Variants in VAV2 observed in about 807,000 individuals in gnomAD.
VAV2 encodes vav guanine nucleotide exchange factor 2, also known as guanine nucleotide exchange factor VAV2.
Under a neutral mutation model 132.5 loss-of-function variants are expected in VAV2, and 67 were observed. That is an observed-to-expected ratio of 0.51 (90% confidence interval 0.42 to 0.62). The LOEUF is 0.62. Ranked by LOEUF, VAV2 falls within the 20% of genes least tolerant of loss-of-function variation. The pLI, the probability that VAV2 is intolerant of heterozygous loss-of-function variation, is 0.00. For missense variants in VAV2, 938 were observed against 1,153.6 expected (o/e 0.81, Z 2.71); for synonymous variants, 492 against 443.5 (o/e 1.11, Z -1.37).
At chr9:133,893,478 C>G (rs1839064801) in intron 2 of VAV2, among the ~76,000 whole-genome samples, 1 of 152,206 alleles carries the variant, frequency 6.6e-6, no homozygotes, top group South Asian at 2.1e-4. Context: ...AAGGGACCTG[C>G]CCCGCACGGC....
At chr9:133,942,783 C>T (rs1178943327) in intron 1 of VAV2, among the ~76,000 whole-genome samples, 1 of 152,330 alleles carries the variant, frequency 6.6e-6, no homozygotes, top group East Asian at 1.9e-4. Context: ...TCTGGCCACC[C>T]TAACCTTTAA....
chr9:133,847,095 C>T (rs1836963247), intron 3 of VAV2, among the ~76,000 whole-genome samples: 1 of 152,278 alleles, frequency 6.6e-6, no homozygotes, highest in South Asian at 2.1e-4. Flanking sequence ...GAGCCTCAGG[C>T]CTACAGCCTT....
At chr9:133,873,513 A>G (rs1006312051) in intron 2 of VAV2, among the ~76,000 whole-genome samples, 1 of 152,184 alleles carries the variant, frequency 6.6e-6, no homozygotes, top group East Asian at 1.9e-4. Flanking sequence ...CTGCCTGTGA[A>G]AGCAATCAGC....
chr9:133,946,932 A>G (rs967788073), intron 1 of VAV2, among the ~76,000 whole-genome samples: 11 of 152,154 alleles, frequency 7.2e-5, no homozygotes, highest in African/African-American at 2.4e-4. Context: ...CTGGGTCCCA[A>G]ATGCCCTGGA....
chr9:133,979,505 C>T (rs913050818), intron 1 of VAV2, among the ~76,000 whole-genome samples: 1 of 152,182 alleles, frequency 6.6e-6, no homozygotes, highest in East Asian at 1.9e-4. Flanking sequence ...GAGCGGACGC[C>T]GCAGCCGTCC....
chr9:133,982,934 G>T (rs1040760394), intron 1 of VAV2, among the ~76,000 whole-genome samples: 1 of 152,186 alleles, frequency 6.6e-6, no homozygotes, highest in Non-Finnish European at 1.5e-5. Flanking sequence ...GGAGAGTTGC[G>T]TAGTCGTGAC....
intron 2 of VAV2, among the ~76,000 whole-genome samples, chr9:133,904,616 C>T (rs1839571826): frequency 6.6e-6 from 1 of 152,258 alleles, no homozygotes; most frequent in Non-Finnish European, 1.5e-5. Flanking sequence ...ACACCCTCTC[C>T]CAGTGGAGTC....
chr9:133,866,783 G>C (rs1020454712), intron 2 of VAV2, among the ~76,000 whole-genome samples: 9 of 146,088 alleles, frequency 6.2e-5, no homozygotes, highest in Non-Finnish European at 8.9e-5. Flanking sequence ...TCCAACCTGG[G>C]CAACAGAGCA....
At chr9:133,901,499 C>G (rs2519786) in intron 2 of VAV2, among the ~76,000 whole-genome samples, 136,406 of 152,304 alleles carry the variant, frequency 0.9, 61,971 homozygotes, top group East Asian at 1. Context: ...CATGGCACCA[C>G]CTCGAGCCTG....
At chr9:133,897,644 T>C (rs1839266164) in intron 2 of VAV2, among the ~76,000 whole-genome samples, 1 of 152,052 alleles carries the variant, frequency 6.6e-6, no homozygotes, top group Non-Finnish European at 1.5e-5. Flanking sequence ...GGCCAAAAGG[T>C]GTGGCTCTAA....
chr9:133,777,454 C>T lies in VAV2; in HGVS notation c.1900G>A (p.Val634Ile). The T allele has an allele frequency of 1.2e-6, 2 of 1,613,618 alleles. No individual in the cohort carries two copies. Among genetic ancestry groups the T allele is most frequent in the Non-Finnish European group, 1.7e-6 (2 of 1,179,982 alleles). The change falls in exon 23 of 30, where the codon GTA (valine) becomes ATA (isoleucine). Residue 634 changes from valine (V) to isoleucine (I), a missense_variant. Physicochemically the swap from Val to Ile is conservative, Grantham distance 29. Coordinates refer to ENST00000371850, the MANE Select transcript of VAV2 (RefSeq NM_001134398.2). ...AAATACCCTGACTTCCTGGTTTGTACCAGACGACCCTGGCAGAGGAAAGAG... is the reference window on the plus strand; with the variant it reads ...AAATACCCTGACTTCCTGGTTTGTATCAGACGACCCTGGCAGAGGAAAGAG... ...PESPWWEGRL[V>I]QTRKSGYFPS... is the part of the protein sequence containing the mutation.
At chr9:133,773,885 G>A (rs1833722881) in intron 25 of VAV2, among the ~76,000 whole-genome samples, 1 of 152,100 alleles carries the variant, frequency 6.6e-6, no homozygotes. Context: ...CTATATGACT[G>A]GCAGCACTGT....
intron 16 of VAV2, among the ~76,000 whole-genome samples, chr9:133,786,449 C>T (rs555518825): frequency 9.0e-4 from 137 of 152,310 alleles, no homozygotes; most frequent in African/African-American, 2.8e-3. Flanking sequence ...CGCCCATGTG[C>T]GAGGATGCTC....
intron 2 of VAV2, among the ~76,000 whole-genome samples, chr9:133,897,477 C>T (rs961715256): frequency 6.6e-6 from 1 of 152,160 alleles, no homozygotes; most frequent in African/African-American, 2.4e-5. Context: ...ACCCAGATGG[C>T]TGGGCTGTGT....
chr9:133,937,032 T>G (rs1201971430), intron 2 of VAV2, among the ~76,000 whole-genome samples: 2 of 152,234 alleles, frequency 1.3e-5, no homozygotes, highest in African/African-American at 4.8e-5. Flanking sequence ...CTTACATCAC[T>G]GCATTCCGCC....
At chr9:133,765,445 T>C (rs773644780) in intron 29 of VAV2, among the ~76,000 whole-genome samples, 3 of 152,252 alleles carry the variant, frequency 2.0e-5, no homozygotes, top group Non-Finnish European at 2.9e-5. Flanking sequence ...GTGTTCCCAA[T>C]GGAACCTCAA....
At chr9:133,835,604 C>A (rs1588244366) in intron 3 of VAV2, among the ~76,000 whole-genome samples, 1 of 152,198 alleles carries the variant, frequency 6.6e-6, no homozygotes, top group African/African-American at 2.4e-5. Context: ...AAGGATGGGA[C>A]GGGAGATCCC....
chr9:133,921,548 AGCCTCTCCCTGT>A (rs1039736009), intron 2 of VAV2, among the ~76,000 whole-genome samples: 2 of 152,052 alleles, frequency 1.3e-5, no homozygotes, highest in African/African-American at 2.4e-5. Context: ...CTCTCCCTGC[AGCCTCTCCCTGT>A]GCCTCTCCCT....
At chr9:133,875,394 G>T (rs1838221796) in intron 2 of VAV2, among the ~76,000 whole-genome samples, 1 of 152,240 alleles carries the variant, frequency 6.6e-6, no homozygotes, top group Non-Finnish European at 1.5e-5. Flanking sequence ...CCTTCTGCCG[G>T]CTAAGGAGCT....
Sources: allele counts gnomAD v4.1 joint callset (sites outside exome capture counted in the v4.1 genomes callset), GRCh38; gene constraint gnomAD v4.1.1; transcripts MANE v1.5; gene names NCBI Gene and HGNC (gene_info 2026-07-23, HGNC 2026-07-21).